The following SLC2A6 variants were observed in gnomAD, a reference collection of about 807,000 sequenced individuals.
The protein encoded by SLC2A6 is solute carrier family 2 member 6, also known as solute carrier family 2, facilitated glucose transporter member 6.
Under a neutral mutation model 47.8 loss-of-function variants are expected in SLC2A6, and 39 were observed. That is an observed-to-expected ratio of 0.82 (90% CI 0.63 to 1.07). SLC2A6 has a LOEUF of 1.07. Ranked by LOEUF, SLC2A6 falls within the 50% of genes least tolerant of loss-of-function variation. The probability of loss-of-function intolerance (pLI) is 0.00; values close to 1 mark genes in which losing one functional copy is unlikely to be tolerated. For missense variants in SLC2A6, 650 were observed against 707.6 expected, an observed-to-expected ratio of 0.92 and a Z score of 0.92; for synonymous variants, 346 against 324.1, an observed-to-expected ratio of 1.07 and a Z score of -0.73.
rs782516532 is a variant in SLC2A6 at position 133,473,195 on chromosome 9, G to A, written c.1278C>T (p.Pro426=). ...CTGAGGCCACGCCACGGGCACGCAG[G>A]GGCAGGACCTCAGACATGAGCAGCC... The part of the protein sequence containing the change: ...ITWLLMSEVL[P]LRARGVASGL... The change falls in exon 9 of 10, where the codon CCC becomes CCT. Residue 426 remains proline (P), a synonymous_variant. Coordinates refer to ENST00000371899, the MANE Select transcript of SLC2A6 (RefSeq NM_017585.4). 1.9e-6 allele frequency: 3 copies of A among 1,605,912 alleles called. No individual in the cohort carries two copies. Among genetic ancestry groups the A allele is most frequent in the East Asian group, 4.5e-5 (2 of 44,528 alleles).
intron 3 of SLC2A6, 30 bp downstream of exon 3, chr9:133,477,005 G>A: frequency 6.5e-7 from 1 of 1,545,474 alleles, no homozygotes; most frequent in Non-Finnish European, 8.7e-7. Context: ...AGAGGCATTG[G>A]GGCGCCTGGG....
In SLC2A6 at chr9:133,475,068, G is replaced by A. The variant is rs782164230; in HGVS notation, c.820C>T (p.Arg274Trp). ...ATCAGCAAGGCCACGGTGATGGGCC[G>A]GCACACGTGTGGGGCCCGTGCCTCA... ...WAEARAPHVC[R>W]PITVALLMRL... is the part of the protein sequence containing the mutation. The change falls in exon 6 of 10, where the codon CGG becomes TGG. Residue 274 changes from arginine to tryptophan, a missense_variant. By Grantham distance (101) the Arg-to-Trp change is moderately radical. Transcript: ENST00000371899. The A allele has an allele frequency of 6.3e-6, 10 of 1,599,258 alleles. No individual in the cohort carries two copies. The highest frequency in any genetic ancestry group is 2.3e-5 in the East Asian group (1 of 44,316).
Position 133,479,064 on chromosome 9 carries a change from G to A in SLC2A6, c.-5C>T, listed in dbSNP as rs782405819. The A allele has an allele frequency of 1.5e-5, 24 of 1,592,872 alleles. No homozygotes were observed. The highest frequency in any genetic ancestry group is 1.5e-4 in the South Asian group (13 of 89,010). On this transcript the variant is annotated 5_prime_UTR_variant, in exon 1 of 10. Transcript: ENST00000371899. ...TCCCAGCAGCGGCTCCTGCATGGCC[G>A]GGTCTCTCTCGGGGCGAGCGGAGGG...
intron 2 of SLC2A6, 148 bp downstream of exon 2, chr9:133,478,106 C>G: frequency 1.3e-6 from 1 of 765,342 alleles, no homozygotes; most frequent in Non-Finnish European, 2.1e-6. Flanking sequence ...TTTACCCCAC[C>G]CACTAGTGGC....
chr9:133,474,356 A>C (rs587646435), intron 6 of SLC2A6, among the ~76,000 whole-genome samples: 43 of 152,298 alleles, frequency 2.8e-4, no homozygotes, highest in African/African-American at 1.0e-3. Context: ...TGCTGTTACT[A>C]ATCTTCAAAT....
intron 4 of SLC2A6, 85 bp downstream of exon 4, chr9:133,476,152 A>C (rs1843939783): frequency 2.8e-6 from 3 of 1,087,300 alleles, no homozygotes; most frequent in Non-Finnish European, 4.1e-6. Context: ...TTCTGGGACA[A>C]ATCATTCCCT....
At chr9:133,478,726 G>A in intron 1 of SLC2A6, 2 of 585,552 alleles carry the variant, frequency 3.4e-6, no homozygotes. Context: ...CTGCTCGCTG[G>A]GGCCTCAGTC....
chr9:133,472,394 C>T (rs929346586), intron 9 of SLC2A6, among the ~76,000 whole-genome samples: 7 of 152,242 alleles, frequency 4.6e-5, no homozygotes, highest in Admixed American at 1.3e-4. Flanking sequence ...GCCCCTCGGC[C>T]TTCCTCAGGG....
intron 1 of SLC2A6, 162 bp downstream of exon 1, chr9:133,478,806 G>C (rs1484623638): frequency 1.6e-6 from 1 of 635,398 alleles, no homozygotes; most frequent in East Asian, 3.0e-5. Context: ...AGGGGGACCA[G>C]TTCCTTAAAT....
Position 133,478,125 on chromosome 9 carries a change from C to T in SLC2A6, c.255+129G>A, listed in dbSNP as rs1440174461. On this transcript the variant is annotated intron_variant, in intron 2 of 9. Transcript: ENST00000371899. ...CCCCACCCACTAGTGGCCTGGATGG[C>T]TGGGGGAGGGGGGACCAGGGCCCTG... The T allele has an allele frequency of 1.5e-5, 14 of 952,748 alleles. No homozygotes were observed. The East Asian group carries it at 3.3e-4, about 22-fold the overall frequency. The allele number at this position is 952,748 out of a possible 1,614,324, so 59.0% of individuals were successfully genotyped here. A position where few individuals can be genotyped will look rare whatever the true frequency, so the allele number is the denominator to read the frequency against.
At position 133,475,613 on chromosome 9, in the gene SLC2A6, T is replaced by A. The variant is rs782228742; in HGVS notation, c.563-2A>T. 1.3e-6 allele frequency: 2 copies of A among 1,581,692 alleles called. No individual in the cohort carries two copies. Among genetic ancestry groups the A allele is most frequent in the Admixed American group, 1.8e-5 (1 of 54,640 alleles). On this transcript the variant is annotated splice_acceptor_variant, in intron 4 of 9. Coordinates refer to ENST00000371899, the MANE Select transcript of SLC2A6 (RefSeq NM_017585.4). LOFTEE classifies it high-confidence loss of function. ...GCCAGCGCCACGGCAGCAGGAGGCC[T>A]GGGGGCGAGGGGTGGGTGAGGGGCC...
intron 6 of SLC2A6, 88 bp from the exon 7 acceptor site, chr9:133,474,176 G>A: frequency 1.9e-6 from 2 of 1,073,018 alleles, no homozygotes; most frequent in Non-Finnish European, 1.3e-6. Flanking sequence ...AGGCATTGCA[G>A]GGGCTCAGGC....
chr9:133,473,700 G>T, intron 7 of SLC2A6, 100 bp from the exon 8 acceptor site: 1 of 1,256,212 alleles, frequency 8.0e-7, no homozygotes, highest in Non-Finnish European at 1.1e-6. Context: ...GCGTGGTCCA[G>T]CTCGTGTCTG....
At chr9:133,473,762 G>A in intron 7 of SLC2A6, 162 bp from the exon 8 acceptor site, 5 of 810,540 alleles carry the variant, frequency 6.2e-6, no homozygotes, top group Non-Finnish European at 9.5e-6. Flanking sequence ...CCGCGTGTTA[G>A]GCTCCCACCG....
chr9:133,476,184 C>T (rs781823340), intron 4 of SLC2A6, 53 bp downstream of exon 4: 11 of 1,403,302 alleles, frequency 7.8e-6, no homozygotes, highest in African/African-American at 7.1e-5. Flanking sequence ...TCTACCTTGG[C>T]GGCACCCACC....
rs587723322 is a variant in SLC2A6 at position 133,478,502 on chromosome 9, G to A, written c.93-86C>T. 3.3e-5 allele frequency: 49 copies of A among 1,506,774 alleles called. No individual in the cohort carries two copies. The South Asian group carries it at 4.2e-4, about 13-fold the overall frequency. The allele number at this position is 1,506,774 out of a possible 1,614,324, so 93.3% of individuals were successfully genotyped here. A position where few individuals can be genotyped will look rare whatever the true frequency, so the allele number is the denominator to read the frequency against. ...CCTTTTCTGAACCCAGTGGCTGCCC[G>A]GCTCAGCGGGCAGTGCTAGGGAGGC... On this transcript the variant is annotated intron_variant, in intron 1 of 9. Coordinates refer to ENST00000371899, the MANE Select transcript of SLC2A6 (RefSeq NM_017585.4).
Position 133,478,809 on chromosome 9 carries a change from C to T in SLC2A6, c.92+159G>A, listed in dbSNP as rs1023805666. On this transcript the variant is annotated intron_variant, in intron 1 of 9. Coordinates refer to ENST00000371899, the MANE Select transcript of SLC2A6 (RefSeq NM_017585.4). The stretch of plus-strand genomic sequence containing the variant: ...GTTCCTTCCCTTAGGGGGACCAGTT[C>T]CTTAAATAGGAGTAGCGTGTCTGGG... The T allele has an allele frequency of 2.0e-5, 13 of 640,324 alleles. No individual in the cohort carries two copies. The African/African-American group carries it at 2.3e-4, about 11-fold the overall frequency. The allele number at this position is 640,324 out of a possible 1,614,324, so 39.7% of individuals were successfully genotyped here. A position where few individuals can be genotyped will look rare whatever the true frequency, so the allele number is the denominator to read the frequency against.
rs1317677369 is a variant in SLC2A6, at chr9:133,473,202, A to G, written c.1271T>C (p.Val424Ala). 6.2e-7 allele frequency: 1 copy of G among 1,603,088 alleles called. No homozygotes were observed. The highest frequency in any genetic ancestry group is 8.5e-7 in the Non-Finnish European group (1 of 1,175,808). The stretch of plus-strand genomic sequence containing the variant: ...CACGCCACGGGCACGCAGGGGCAGG[A>G]CCTCAGACATGAGCAGCCAGGTGAT... ...GPITWLLMSE[V>A]LPLRARGVAS... The change falls in exon 9 of 10, where the codon GTC becomes GCC. Residue 424 changes from valine to alanine, a missense_variant. Physicochemically the swap from Val to Ala is moderately conservative, Grantham distance 64 (BLOSUM62 0). Transcript: ENST00000371899.
At chr9:133,478,875 AG>A in intron 1 of SLC2A6, 92 bp downstream of exon 1, 1 of 1,162,562 alleles carries the variant, frequency 8.6e-7, no homozygotes, top group East Asian at 2.7e-5. Context: ...CGACTAGGTC[AG>A]GGGAGGCCCA....
Sources: gnomAD v4.1 joint callset for allele counts (sites outside exome capture counted in the v4.1 genomes callset) on GRCh38, gnomAD v4.1.1 for gene constraint, MANE v1.5 for transcripts, NCBI Gene and HGNC (gene_info 2026-07-23, HGNC 2026-07-21) for gene names.